The following RNF13 variants were observed in gnomAD, a reference collection of about 807,000 sequenced individuals.
RNF13 encodes the protein ring finger protein 13.
Under a neutral mutation model 37.7 loss-of-function variants are expected in RNF13, and 19 were observed. The ratio of observed to expected loss-of-function variants is 0.50; its 90% CI spans 0.35 to 0.74. The LOEUF is 0.74. RNF13 is among the 30% of genes least tolerant of loss of function. The pLI is 0.01. For missense variants in RNF13, 375 were observed against 453.0 expected (o/e 0.83, Z 1.56); for synonymous variants, 144 against 157.8 (o/e 0.91, Z 0.65).
At chr3:149,914,351 G>C (rs1576529831) in intron 7 of RNF13, among the ~76,000 whole-genome samples, 2 of 151,792 alleles carry the variant, frequency 1.3e-5, no homozygotes, top group Admixed American at 1.3e-4. Context: ...AGCAAGGTTT[G>C]GTCAGGGGAC....
At chr3:149,836,689 ATAATT>A (rs1430748535) in intron 1 of RNF13, among the ~76,000 whole-genome samples, 6 of 152,168 alleles carry the variant, frequency 3.9e-5, no homozygotes. Flanking sequence ...TATGCCACAA[ATAATT>A]TAAAGCAGGA....
chr3:149,889,718 G>A (rs917673706), intron 4 of RNF13, among the ~76,000 whole-genome samples: 2 of 147,066 alleles, frequency 1.4e-5, no homozygotes, highest in African/African-American at 5.1e-5. Context: ...GTAGTGGTGC[G>A]ATCTCGGCTC....
At chr3:149,863,358 A>G (rs1388667478) in intron 3 of RNF13, among the ~76,000 whole-genome samples, 1 of 152,164 alleles carries the variant, frequency 6.6e-6, no homozygotes, top group Non-Finnish European at 1.5e-5. Context: ...TTTCATTACC[A>G]AAGAATTCCT....
chr3:149,883,162 A>G (rs892326196), intron 4 of RNF13, among the ~76,000 whole-genome samples: 1 of 152,080 alleles, frequency 6.6e-6, no homozygotes, highest in African/African-American at 2.4e-5. Flanking sequence ...TTTTCTTTTT[A>G]ACCATTTCAG....
chr3:149,817,838 G>T (rs552074541), intron 1 of RNF13, among the ~76,000 whole-genome samples: 29 of 152,142 alleles, frequency 1.9e-4, no homozygotes, highest in African/African-American at 6.7e-4. Context: ...CTTCACAAGT[G>T]GGGGGCAAAC....
intron 1 of RNF13, among the ~76,000 whole-genome samples, chr3:149,821,408 A>G (rs925742972): frequency 6.6e-6 from 1 of 152,162 alleles, no homozygotes; most frequent in Non-Finnish European, 1.5e-5. Flanking sequence ...TGCGTTTCCC[A>G]GATTACTAAT....
At chr3:149,942,690 T>C (rs2108583198) in intron 8 of RNF13, among the ~76,000 whole-genome samples, 1 of 152,316 alleles carries the variant, frequency 6.6e-6, no homozygotes, top group Non-Finnish European at 1.5e-5. Context: ...TGTTTTCTAT[T>C]TCATTTTCTT....
rs375664757 is a variant in RNF13 at position 149,945,268 on chromosome 3, G to C, written c.701-14788G>C. On this transcript the variant is annotated intron_variant, in intron 8 of 9. Transcript: ENST00000392894. ...TAATGCCTCCAGCTTTGTTCTTTTG[G>C]CTTAGGATTGTCTGGCAGTGTGGGC... Among the ~76,000 whole-genome samples the C allele has an allele frequency of 2.0e-4, 30 of 152,260 alleles. No individual in the cohort carries two copies. The East Asian group carries it at 5.0e-3, about 25-fold the overall frequency.
At chr3:149,905,059 C>A in intron 6 of RNF13, among the ~76,000 whole-genome samples, 1 of 152,166 alleles carries the variant, frequency 6.6e-6, no homozygotes, top group East Asian at 1.9e-4. Flanking sequence ...TGCTGTAATG[C>A]ATAACCTTAT....
At chr3:149,816,708 G>C (rs1719494833) in intron 1 of RNF13, among the ~76,000 whole-genome samples, 1 of 152,166 alleles carries the variant, frequency 6.6e-6, no homozygotes, top group African/African-American at 2.4e-5. Flanking sequence ...ACAGATTATG[G>C]AGATTCTTAA....
chr3:149,819,136 G>A (rs1228294896), intron 1 of RNF13, among the ~76,000 whole-genome samples: 1 of 152,090 alleles, frequency 6.6e-6, no homozygotes, highest in African/African-American at 2.4e-5. Flanking sequence ...GTTAAAATCT[G>A]TTTTTACGAC....
rs1209958070 is a variant in RNF13, at chr3:149,961,445, A to T, written c.*341A>T. 1 of 445,438 alleles carries T rather than the reference A, an allele frequency of 2.2e-6. No individual in the cohort carries two copies. Among genetic ancestry groups the T allele is most frequent in the Non-Finnish European group, 4.3e-6 (1 of 230,042 alleles). The allele number at this position is 445,438 out of a possible 1,614,324, so 27.6% of individuals were successfully genotyped here. A position where few individuals can be genotyped will look rare whatever the true frequency, so the allele number is the denominator to read the frequency against. ...TGTTTTGCGTTTTATACATGAGGTC[A>T]GTGCTACAGCCACCTAGCATGAACT... On this transcript the variant is annotated 3_prime_UTR_variant, in exon 10 of 10. Coordinates refer to ENST00000392894, the MANE Select transcript of RNF13 (RefSeq NM_183381.3).
chr3:149,902,135 T>A lies in RNF13; in HGVS notation c.473T>A (p.Leu158Gln). ...VFIGESSANS[L>Q]KDEFTYEKGG... ...ATTGGTGAATCATCAGCTAATTCTC[T>A]GAAAGATGAATTCACATATGAAAAA... is the stretch of plus-strand genomic sequence containing the variant. Residue 158 changes from leucine (L) to glutamine (Q), a missense_variant, in exon 6 of 10, where the codon CTG (leucine) becomes CAG (glutamine). By Grantham distance (113) the Leu-to-Gln change is moderately radical. Transcript: ENST00000392894. 1 of 1,526,656 alleles carries A rather than the reference T, an allele frequency of 6.6e-7. No homozygotes were observed. Among genetic ancestry groups the A allele is most frequent in the Non-Finnish European group, 8.8e-7 (1 of 1,132,588 alleles). The allele number at this position is 1,526,656 out of a possible 1,614,324, so 94.6% of individuals were successfully genotyped here.
Position 149,916,215 on chromosome 3 carries a change from A to C in RNF13, c.606+4132A>C, listed in dbSNP as rs925516206. 4.2e-4 allele frequency among the ~76,000 whole-genome samples: 64 copies of C among 152,086 alleles called. 1 individual carries two copies. The highest frequency in any genetic ancestry group is 5.9e-5 in the Non-Finnish European group (4 of 68,012). On this transcript the variant is annotated intron_variant, in intron 7 of 9. Coordinates refer to ENST00000392894, the MANE Select transcript of RNF13 (RefSeq NM_183381.3). ...ACATTCAGATGGTTTTCCAGTTCCT[A>C]CTAAAGTGTATTTCTAAGAAATTTC... is the stretch of plus-strand genomic sequence containing the variant.
intron 4 of RNF13, among the ~76,000 whole-genome samples, chr3:149,877,765 C>T (rs1712913256): frequency 6.6e-6 from 1 of 151,992 alleles, no homozygotes; most frequent in Admixed American, 6.5e-5. Flanking sequence ...TATTAATCTA[C>T]TTCAGAATCA....
At chr3:149,945,421 A>G (rs1720672562) in intron 8 of RNF13, among the ~76,000 whole-genome samples, 1 of 152,198 alleles carries the variant, frequency 6.6e-6, no homozygotes, top group Non-Finnish European at 1.5e-5. Context: ...GTGGTTAGGA[A>G]GCTCGAACTG....
At chr3:149,910,620 G>C (rs1286273240) in intron 6 of RNF13, among the ~76,000 whole-genome samples, 1 of 152,176 alleles carries the variant, frequency 6.6e-6, no homozygotes, top group Non-Finnish European at 1.5e-5. Context: ...GAGTAAATCT[G>C]TTATTTTCCT....
chr3:149,816,141 C>T (rs1719426952), intron 1 of RNF13, among the ~76,000 whole-genome samples: 2 of 150,434 alleles, frequency 1.3e-5, no homozygotes, highest in Admixed American at 1.3e-4. Context: ...TTCAAGTCAT[C>T]CACCTGCTTC....
intron 2 of RNF13, among the ~76,000 whole-genome samples, chr3:149,850,330 G>A (rs1337030762): frequency 2.0e-5 from 3 of 152,104 alleles, no homozygotes; most frequent in East Asian, 1.9e-4. Context: ...TATGAGCATC[G>A]CTCCCCTCCC....
Sources: allele counts gnomAD v4.1 joint callset (sites outside exome capture counted in the v4.1 genomes callset), GRCh38; gene constraint gnomAD v4.1.1; transcripts MANE v1.5; gene names NCBI Gene and HGNC (gene_info 2026-07-23, HGNC 2026-07-21).